Variants in HHAT observed in about 807,000 individuals in gnomAD.
HHAT encodes the protein hedgehog acyltransferase.
A neutral mutation model predicts 70.8 loss-of-function variants in HHAT; 47 were observed. The observed-to-expected ratio is 0.66, with a 90% CI of 0.53 to 0.85. The LOEUF (loss-of-function observed/expected upper bound fraction) is 0.85, where lower values mean the gene tolerates loss of function less well. HHAT is among the 40% of genes least tolerant of loss of function. The pLI is 0.00. For synonymous variants in HHAT, 228 were observed against 247.6 expected, an observed-to-expected ratio of 0.92 and a Z score of 0.74; for missense variants, 609 against 604.8, an observed-to-expected ratio of 1.01 and a Z score of -0.07.
intron 9 of HHAT, among the ~76,000 whole-genome samples, chr1:210,519,191 C>G (rs74156196): frequency 0.065 from 9,871 of 152,180 alleles, 878 homozygotes; most frequent in East Asian, 0.32. Context: ...AAGAGTGACC[C>G]AATTTGTATA....
chr1:210,413,866 C>G (rs1572259612), intron 6 of HHAT, among the ~76,000 whole-genome samples: 1 of 152,178 alleles, frequency 6.6e-6, no homozygotes, highest in African/African-American at 2.4e-5. Context: ...CCTTAAAGAT[C>G]CATTTACAGC....
chr1:210,512,042 A>G (rs1417482456), intron 8 of HHAT, among the ~76,000 whole-genome samples: 1 of 152,078 alleles, frequency 6.6e-6, no homozygotes, highest in East Asian at 1.9e-4. Context: ...AAACCAAGGC[A>G]GTGTCGTTTA....
At chr1:210,441,018 T>C (rs2093494228) in intron 7 of HHAT, among the ~76,000 whole-genome samples, 1 of 152,210 alleles carries the variant, frequency 6.6e-6, no homozygotes, top group Non-Finnish European at 1.5e-5. Flanking sequence ...CAGCCAGGAC[T>C]CAAACCCCAC....
chr1:210,514,324 G>A (rs1025909608), intron 9 of HHAT, among the ~76,000 whole-genome samples: 8 of 152,168 alleles, frequency 5.3e-5, no homozygotes, highest in Non-Finnish European at 5.9e-5. Context: ...AGATAGTAGT[G>A]TGTGAACTGC....
chr1:210,667,502 A>G (rs887945724), intron 11 of HHAT, among the ~76,000 whole-genome samples: 7 of 152,236 alleles, frequency 4.6e-5, no homozygotes, highest in Admixed American at 1.3e-4. Context: ...CTGCAAATCT[A>G]TGATTTGCTA....
chr1:210,533,961 A>G (rs552466046), intron 9 of HHAT, among the ~76,000 whole-genome samples: 36 of 152,298 alleles, frequency 2.4e-4, no homozygotes, highest in African/African-American at 8.4e-4. Flanking sequence ...CGGGTCCCCA[A>G]ACTCACTGTG....
Position 210,400,578 on chromosome 1 carries a change from C to T in HHAT, c.384C>T (p.Ala128=), listed in dbSNP as rs1164822234. 2 of 1,614,096 alleles carry T rather than the reference C, an allele frequency of 1.2e-6. No individual in the cohort carries two copies. The highest frequency in any genetic ancestry group is 2.2e-5 in the East Asian group (1 of 44,870). Residue 128 remains alanine (A), a synonymous_variant, in exon 5 of 12, where the codon GCC becomes GCT. Coordinates refer to ENST00000261458, the MANE Select transcript of HHAT (RefSeq NM_018194.6). ...ATACCACCATCTCTTTCTGCGTGGC[C>T]CAGTTCCGGTCTCAGCTCCTGACGT... is the stretch of plus-strand genomic sequence containing the variant. ...LLHTTISFCV[A]QFRSQLLTWL...
At chr1:210,359,578 C>T (rs967832948) in intron 2 of HHAT, among the ~76,000 whole-genome samples, 2 of 152,114 alleles carry the variant, frequency 1.3e-5, no homozygotes, top group Non-Finnish European at 2.9e-5. Context: ...ATTTCATCTC[C>T]GACCTGACCA....
chr1:210,432,425 G>A (rs2093271947), intron 7 of HHAT, among the ~76,000 whole-genome samples: 1 of 151,930 alleles, frequency 6.6e-6, no homozygotes, highest in African/African-American at 2.4e-5. Flanking sequence ...TTGAAAAGAG[G>A]CTGCGTAAGA....
At chr1:210,470,089 C>G (rs1558581206) in intron 8 of HHAT, among the ~76,000 whole-genome samples, 1 of 152,206 alleles carries the variant, frequency 6.6e-6, no homozygotes, top group Non-Finnish European at 1.5e-5. Flanking sequence ...AAGCAATCCT[C>G]TCACCTTGGC....
chr1:210,564,204 C>T (rs1403707354), intron 9 of HHAT, among the ~76,000 whole-genome samples: 2 of 151,468 alleles, frequency 1.3e-5, no homozygotes, highest in South Asian at 2.1e-4. Context: ...CTCAAGTGAT[C>T]CGCCCACCTC....
chr1:210,416,539 T>C (rs2092726172), intron 6 of HHAT, among the ~76,000 whole-genome samples: 1 of 152,202 alleles, frequency 6.6e-6, no homozygotes, highest in Admixed American at 6.5e-5. Flanking sequence ...AGCATGTTTA[T>C]GAATTCTAGA....
chr1:210,476,153 C>T (rs2094303455), intron 8 of HHAT, among the ~76,000 whole-genome samples: 1 of 152,194 alleles, frequency 6.6e-6, no homozygotes, highest in African/African-American at 2.4e-5. Context: ...GTTTTCTTAT[C>T]CTTTTTGTGA....
chr1:210,331,252 G>C (rs961915330), intron 1 of HHAT, among the ~76,000 whole-genome samples: 6 of 152,084 alleles, frequency 3.9e-5, no homozygotes, highest in African/African-American at 7.2e-5. Context: ...TCCCATCTGG[G>C]GGGGTGTGTT....
chr1:210,329,594 C>A (rs1032337863), intron 1 of HHAT: 48 of 496,046 alleles, frequency 9.7e-5, no homozygotes, highest in Non-Finnish European at 2.4e-5. Flanking sequence ...CGCTAATCCT[C>A]ACCAGAGGTA....
chr1:210,516,756 C>T (rs2095064009), intron 9 of HHAT, among the ~76,000 whole-genome samples: 1 of 151,988 alleles, frequency 6.6e-6, no homozygotes, highest in South Asian at 2.1e-4. Context: ...AAAGCTGCAG[C>T]ATGCCCTGAA....
In HHAT at chr1:210,666,068, A is replaced by G. The variant is rs755085408; in HGVS notation, c.1391-8220A>G. Among the ~76,000 whole-genome samples the G allele has an allele frequency of 2.6e-5, 4 of 152,358 alleles. No homozygotes were observed. The East Asian group carries it at 5.8e-4, about 22-fold the overall frequency. On this transcript the variant is annotated intron_variant, in intron 11 of 11. Transcript: ENST00000261458. ...CCTGAAGTTTGTTCATGTGCTGGCC[A>G]TCAGCCATTGTCTTCTAAAAATGGG...
intron 6 of HHAT, among the ~76,000 whole-genome samples, chr1:210,417,693 T>A (rs1476058998): frequency 6.6e-6 from 1 of 152,204 alleles, no homozygotes; most frequent in African/African-American, 2.4e-5. Context: ...AGCCCATCTT[T>A]TTCTCTTTCT....
chr1:210,406,609 G>T (rs535014407), intron 6 of HHAT, among the ~76,000 whole-genome samples: 6 of 152,188 alleles, frequency 3.9e-5, no homozygotes, highest in African/African-American at 1.4e-4. Flanking sequence ...TCCCAGGCTT[G>T]TCTCTAACTC....
Sources: allele counts gnomAD v4.1 joint callset (sites outside exome capture counted in the v4.1 genomes callset), GRCh38; gene constraint gnomAD v4.1.1; transcripts MANE v1.5; gene names NCBI Gene and HGNC (gene_info 2026-07-23, HGNC 2026-07-21).